Variants in LHFPL3 observed in about 807,000 individuals in gnomAD.
LHFPL3 encodes the protein LHFPL tetraspan subfamily member 3 protein.
A neutral mutation model predicts 19.3 loss-of-function variants in LHFPL3; 5 were observed. The ratio of observed to expected loss-of-function variants is 0.26; its 90% CI spans 0.14 to 0.54. LHFPL3 has a LOEUF of 0.54. Among genes scored for constraint, LHFPL3 ranks in the 20% least tolerant of loss-of-function variants. LHFPL3 has a pLI of 0.94. For synonymous variants in LHFPL3, 133 were observed against 126.2 expected, an observed-to-expected ratio of 1.05 and a Z score of -0.36; for missense variants, 249 against 307.4, an observed-to-expected ratio of 0.81 and a Z score of 1.42.
chr7:104,501,300 C>T (rs1793594429), intron 1 of LHFPL3, among the ~76,000 whole-genome samples: 1 of 152,178 alleles, frequency 6.6e-6, no homozygotes, highest in Non-Finnish European at 1.5e-5. Context: ...CAACAGCATT[C>T]GTTCTACTAA....
At chr7:104,512,312 T>C (rs17335819) in intron 1 of LHFPL3, among the ~76,000 whole-genome samples, 47,647 of 151,948 alleles carry the variant, frequency 0.31, 7,881 homozygotes, top group Middle Eastern at 0.4. Context: ...AGGGGTCATG[T>C]AATCGTTTAT....
Position 104,459,831 on chromosome 7 carries a change from A to G in LHFPL3, c.445+130607A>G, listed in dbSNP as rs1366375162. 3.3e-5 allele frequency among the ~76,000 whole-genome samples: 5 copies of G among 152,338 alleles called. No homozygotes were observed. In the East Asian group the frequency reaches 5.8e-4, roughly 18 times the overall value. Reference sequence around the variant, plus strand: ...CTGTTAACCTTAATTTTAAAAAAGAATTCATCTTAATTGCTTGAACAGATT... The same window carrying G: ...CTGTTAACCTTAATTTTAAAAAAGAGTTCATCTTAATTGCTTGAACAGATT... On this transcript the variant is annotated intron_variant, in intron 1 of 2. Coordinates refer to ENST00000424859, the MANE Select transcript of LHFPL3 (RefSeq NM_199000.3).
At chr7:104,695,292 G>A (rs1792978182) in intron 1 of LHFPL3, among the ~76,000 whole-genome samples, 1 of 152,150 alleles carries the variant, frequency 6.6e-6, no homozygotes, top group South Asian at 2.1e-4. Context: ...ACTCAAATGA[G>A]TAAATGAGTT....
intron 1 of LHFPL3, among the ~76,000 whole-genome samples, chr7:104,728,709 C>G (rs1793634151): frequency 6.6e-6 from 1 of 152,164 alleles, no homozygotes; most frequent in African/African-American, 2.4e-5. Context: ...CTACAACATA[C>G]AACTATTTTA....
chr7:104,515,529 C>T (rs192475653), intron 1 of LHFPL3, among the ~76,000 whole-genome samples: 1 of 152,164 alleles, frequency 6.6e-6, no homozygotes, highest in Non-Finnish European at 1.5e-5. Flanking sequence ...GAAAAGCCAG[C>T]GTTACCTCCT....
intron 2 of LHFPL3, among the ~76,000 whole-genome samples, chr7:104,745,250 C>T (rs542485311): frequency 3.3e-5 from 5 of 152,330 alleles, no homozygotes; most frequent in South Asian, 4.1e-4. Flanking sequence ...CTGCCCCTTC[C>T]TCTTTCTCCT....
intron 1 of LHFPL3, among the ~76,000 whole-genome samples, chr7:104,573,281 G>A (rs573936509): frequency 8.6e-5 from 13 of 151,860 alleles, no homozygotes; most frequent in East Asian, 1.9e-4. Context: ...GCATAGTGGC[G>A]GGCACCTGTA....
chr7:104,736,447 G>A (rs2116301487), intron 1 of LHFPL3, among the ~76,000 whole-genome samples: 1 of 152,036 alleles, frequency 6.6e-6, no homozygotes, highest in South Asian at 2.1e-4. Flanking sequence ...TTCTTTCAAT[G>A]TAGAGTGCTG....
intron 1 of LHFPL3, among the ~76,000 whole-genome samples, chr7:104,554,127 C>G (rs1794713374): frequency 6.6e-6 from 1 of 152,100 alleles, no homozygotes; most frequent in African/African-American, 2.4e-5. Flanking sequence ...ATCCTTGTCT[C>G]TTTTATTTTG....
chr7:104,388,757 G>C (rs1791000041), intron 1 of LHFPL3, among the ~76,000 whole-genome samples: 3 of 152,010 alleles, frequency 2.0e-5, no homozygotes, highest in Non-Finnish European at 4.4e-5. Context: ...TATATTAATA[G>C]AGTAATGGAC....
At chr7:104,649,067 G>T in intron 1 of LHFPL3, among the ~76,000 whole-genome samples, 2 of 152,260 alleles carry the variant, frequency 1.3e-5, no homozygotes, top group South Asian at 2.1e-4. Flanking sequence ...GCATCACTTA[G>T]CTGCTGCTCA....
At chr7:104,845,797 G>A (rs759471573) in intron 2 of LHFPL3, among the ~76,000 whole-genome samples, 5 of 152,204 alleles carry the variant, frequency 3.3e-5, no homozygotes, top group East Asian at 1.9e-4. Flanking sequence ...TGTGAACCAC[G>A]CATGTGGGCA....
At chr7:104,337,940 C>T (rs1300880194) in intron 1 of LHFPL3, among the ~76,000 whole-genome samples, 1 of 152,062 alleles carries the variant, frequency 6.6e-6, no homozygotes, top group African/African-American at 2.4e-5. Flanking sequence ...GAATGCTCTA[C>T]TGTAGTGTTT....
chr7:104,860,703 C>G (rs1284212661), intron 2 of LHFPL3, among the ~76,000 whole-genome samples: 2 of 152,194 alleles, frequency 1.3e-5, no homozygotes, highest in African/African-American at 4.8e-5. Context: ...TGTATTTCAT[C>G]TCCTAGAATG....
At chr7:104,669,453 A>T in intron 1 of LHFPL3, 1 of 1,613,080 alleles carries the variant, frequency 6.2e-7, no homozygotes, top group Non-Finnish European at 8.5e-7. Flanking sequence ...AAGACTCCAG[A>T]TCTGCACCTG....
At chr7:104,342,429 T>G (rs745945715) in intron 1 of LHFPL3, among the ~76,000 whole-genome samples, 1 of 151,992 alleles carries the variant, frequency 6.6e-6, no homozygotes, top group Non-Finnish European at 1.5e-5. Context: ...CTTCACAAAA[T>G]CAGAGTGAAA....
At chr7:104,593,748 G>T (rs897285455) in intron 1 of LHFPL3, among the ~76,000 whole-genome samples, 3 of 152,154 alleles carry the variant, frequency 2.0e-5, no homozygotes, top group Non-Finnish European at 2.9e-5. Context: ...ATATATTTAG[G>T]ATAGTTAGCT....
rs539318658 is a variant in LHFPL3, at chr7:104,503,758, T to C, written c.445+174534T>C. On this transcript the variant is annotated intron_variant, in intron 1 of 2. Coordinates refer to ENST00000424859, the MANE Select transcript of LHFPL3 (RefSeq NM_199000.3). ...CTAATTTTTGTATTTTTGGTAGATA[T>C]GGGGTTTTGCCAGATTGCCTAGGCT... Among the ~76,000 whole-genome samples, 16 of 152,158 alleles carry C rather than the reference T, an allele frequency of 1.1e-4. No individual in the cohort carries two copies. The East Asian group carries it at 3.1e-3, about 29-fold the overall frequency.
intron 1 of LHFPL3, among the ~76,000 whole-genome samples, chr7:104,488,453 C>A (rs1793277594): frequency 6.6e-6 from 1 of 152,054 alleles, no homozygotes; most frequent in African/African-American, 2.4e-5. Context: ...GCAGTCATAC[C>A]ACTTTTTATC....
Sources: allele counts gnomAD v4.1 joint callset (sites outside exome capture counted in the v4.1 genomes callset), GRCh38; gene constraint gnomAD v4.1.1; transcripts MANE v1.5; gene names NCBI Gene and HGNC (gene_info 2026-07-23, HGNC 2026-07-21).